NINJ2: variants seen among roughly 807,000 people sequenced by gnomAD.
NINJ2 encodes ninjurin-2.
In NINJ2, 12 loss-of-function variants were observed where a neutral mutation model predicts 11.7. That is an observed-to-expected ratio of 1.02 (90% CI 0.66 to 1.66). The LOEUF is 1.66. Ranked by LOEUF, NINJ2 falls within the 40% of genes most tolerant of loss-of-function variation. The probability of loss-of-function intolerance (pLI) is 0.00; values close to 1 mark genes in which losing one functional copy is unlikely to be tolerated. For missense variants in NINJ2, 187 were observed against 181.8 expected, an observed-to-expected ratio of 1.03 and a Z score of -0.16; for synonymous variants, 93 against 76.8, an observed-to-expected ratio of 1.21 and a Z score of -1.10.
intron 1 of NINJ2, among the ~76,000 whole-genome samples, chr12:587,988 G>A (rs1947663472): frequency 1.3e-5 from 2 of 151,716 alleles, no homozygotes; most frequent in Admixed American, 6.6e-5. Context: ...TGAAGGGAGG[G>A]GACGACCTAC....
In NINJ2 at chr12:581,320, G is replaced by C. The variant is rs2120835369; in HGVS notation, c.34-15142C>G. Among the ~76,000 whole-genome samples the C allele has an allele frequency of 6.6e-6, 1 of 152,240 alleles. No homozygotes were observed. Among genetic ancestry groups the C allele is most frequent in the African/African-American group, 2.4e-5 (1 of 41,528 alleles). On this transcript the variant is annotated intron_variant, in intron 1 of 3. Coordinates refer to ENST00000305108, the MANE Select transcript of NINJ2 (RefSeq NM_016533.6). This position sits in a 1 kb window ranked among gnomAD's most constrained non-coding sequence, Gnocchi z 4.9. ...TGGTGCATTATCCGGAGGGAGCTCG[G>C]GGGGCCCAGGAGGTCAAGATAGAGA... is the stretch of plus-strand genomic sequence containing the variant.
chr12:614,474 G>A lies in NINJ2; in HGVS notation c.34-48296C>T, dbSNP rs886800498. Among the ~76,000 whole-genome samples, 2 of 152,058 alleles carry A rather than the reference G, an allele frequency of 1.3e-5. No homozygotes were observed. The highest frequency in any genetic ancestry group is 2.9e-5 in the Non-Finnish European group (2 of 68,030). ...GGGGACATGGTGGGGTGGGGGTGGC[G>A]GTGTGCCTGTGTGCCCACGGGGGGC... is the stretch of plus-strand genomic sequence containing the variant. On this transcript the variant is annotated intron_variant, in intron 1 of 3. Transcript: ENST00000305108. The surrounding 1 kb of genome is among the most constrained non-coding windows in gnomAD (Gnocchi z 5.1).
intron 1 of NINJ2, among the ~76,000 whole-genome samples, chr12:649,871 A>G (rs888365945): frequency 6.6e-6 from 1 of 152,136 alleles, no homozygotes; most frequent in African/African-American, 2.4e-5. Context: ...AACCTAACAT[A>G]TGATTAGCAT....
intron 1 of NINJ2, among the ~76,000 whole-genome samples, chr12:634,963 A>G (rs11063989): frequency 0.071 from 10,744 of 152,136 alleles, 485 homozygotes; most frequent in Middle Eastern, 0.12. Context: ...AGGCCAGTCT[A>G]GAATTCTTGG....
chr12:566,322 G>T, intron 1 of NINJ2, 144 bp from the exon 2 acceptor site: 1 of 658,888 alleles, frequency 1.5e-6, no homozygotes, highest in East Asian at 2.7e-5. Context: ...TTCATGGCCT[G>T]ATAAAATGAA....
chr12:590,169 C>A (rs1392642440), intron 1 of NINJ2, among the ~76,000 whole-genome samples: 2 of 152,150 alleles, frequency 1.3e-5, no homozygotes, highest in Non-Finnish European at 2.9e-5. Context: ...GAATCCTGGT[C>A]CCAAACAAGT....
At chr12:610,374 G>A in intron 1 of NINJ2, 2 of 1,535,560 alleles carry the variant, frequency 1.3e-6, no homozygotes, top group Non-Finnish European at 1.7e-6. Context: ...GATCCCATTT[G>A]CTGACTTGGA....
chr12:572,726 C>T (rs78717985), intron 1 of NINJ2, among the ~76,000 whole-genome samples: 1,824 of 152,086 alleles, frequency 0.012, 40 homozygotes, highest in African/African-American at 0.041. Flanking sequence ...AACAGTTCTG[C>T]GAAGTAGATG....
intron 1 of NINJ2, chr12:643,646 G>C (rs1357807541): frequency 7.1e-6 from 7 of 987,958 alleles, no homozygotes; most frequent in Non-Finnish European, 8.4e-6. Context: ...CGAAGCCAAA[G>C]CCAACGTTTT....
chr12:644,809 T>A (rs1356078216), intron 1 of NINJ2: 1 of 152,184 alleles, frequency 6.6e-6, no homozygotes, highest in African/African-American at 2.4e-5. Flanking sequence ...GCGATACGGG[T>A]ATATTTTAAT....
intron 1 of NINJ2, among the ~76,000 whole-genome samples, chr12:603,269 T>C (rs1947896292): frequency 6.6e-6 from 1 of 151,120 alleles, no homozygotes; most frequent in Admixed American, 6.6e-5. Context: ...ATTTGATTAT[T>C]TGTCTTTTTA....
intron 1 of NINJ2, among the ~76,000 whole-genome samples, chr12:601,508 A>G: frequency 6.6e-6 from 1 of 151,444 alleles, no homozygotes; most frequent in South Asian, 2.1e-4. Context: ...AGATCAGGCC[A>G]CTGCACTCCA....
At chr12:635,768 G>A (rs184328831) in intron 1 of NINJ2, among the ~76,000 whole-genome samples, 32 of 152,302 alleles carry the variant, frequency 2.1e-4, no homozygotes, top group Admixed American at 7.2e-4. Context: ...GCGCACCAAA[G>A]GACACTATTA....
At chr12:629,881 C>CAAAAAAAAAAAAAAAAAAAAAAAAAAAA (rs1179186409) in intron 1 of NINJ2, among the ~76,000 whole-genome samples, 1 of 3,366 alleles carries the variant, frequency 3.0e-4, no homozygotes, top group African/African-American at 3.5e-4. Flanking sequence ...GAGCAAAACT[C>CAAAAAAAAAAAAAAAAAAAAAAAAAAAA]AAAAAAAAAA....
intron 1 of NINJ2, among the ~76,000 whole-genome samples, chr12:641,686 A>T (rs1948418243): frequency 6.6e-6 from 1 of 151,992 alleles, no homozygotes; most frequent in Non-Finnish European, 1.5e-5. Context: ...CTACTAAAAA[A>T]TACAAAAAAT....
intron 1 of NINJ2, among the ~76,000 whole-genome samples, chr12:646,429 A>G (rs1419479294): frequency 6.6e-6 from 1 of 152,138 alleles, no homozygotes; most frequent in Non-Finnish European, 1.5e-5. Context: ...CTTTGCAGCA[A>G]CCGGGTTAGG....
intron 1 of NINJ2, among the ~76,000 whole-genome samples, chr12:621,108 T>C (rs1948147614): frequency 6.6e-6 from 1 of 152,084 alleles, no homozygotes; most frequent in African/African-American, 2.4e-5. Context: ...TAGAAGAGGT[T>C]CCCCTGTGGC....
Position 658,296 on chromosome 12 carries a change from C to T in NINJ2, c.33+5032G>A, listed in dbSNP as rs141923084. Reference sequence around the variant, plus strand: ...CTGGGATTACAGGTGTGAGCCACTGCGCCCAGCTGAGTGGCTTTATACAGA... The same window carrying T: ...CTGGGATTACAGGTGTGAGCCACTGTGCCCAGCTGAGTGGCTTTATACAGA... On this transcript the variant is annotated intron_variant, in intron 1 of 3. Coordinates refer to ENST00000305108, the MANE Select transcript of NINJ2 (RefSeq NM_016533.6). Among the ~76,000 whole-genome samples the T allele has an allele frequency of 1.2e-3, 181 of 152,198 alleles. 1 individual carries two copies. The highest frequency in any genetic ancestry group is 4.1e-3 in the African/African-American group (171 of 41,524).
At chr12:655,699 G>A (rs777462845) in intron 1 of NINJ2, among the ~76,000 whole-genome samples, 1 of 151,942 alleles carries the variant, frequency 6.6e-6, no homozygotes, top group Non-Finnish European at 1.5e-5. Flanking sequence ...GATCACTTGA[G>A]GTCAGGAGTT....
Sources: allele counts gnomAD v4.1 joint callset (sites outside exome capture counted in the v4.1 genomes callset), GRCh38; gene constraint gnomAD v4.1.1; non-coding constraint Gnocchi (gnomAD v3.1); transcripts MANE v1.5; gene names NCBI Gene and HGNC (gene_info 2026-07-23, HGNC 2026-07-21).